TIPARP: variants seen among roughly 807,000 people sequenced by gnomAD.
The protein encoded by TIPARP is TCDD inducible poly(ADP-ribose) polymerase.
TIPARP carries 12 observed loss-of-function variants against 56.5 expected under a neutral mutation model. That is an observed-to-expected ratio of 0.21 (90% CI 0.14 to 0.34). The LOEUF is 0.34. Among genes scored for constraint, TIPARP ranks in the 10% least tolerant of loss-of-function variants. The pLI is 1.00. For missense variants in TIPARP, 604 were observed against 781.6 expected (o/e 0.77, Z 2.71); for synonymous variants, 296 against 265.7 (o/e 1.11, Z -1.11).
Position 156,677,535 on chromosome 3 carries a change from ATATAG to A in TIPARP, c.-41-117_-41-113del, listed in dbSNP as rs1392223052. On this transcript the variant is annotated intron_variant, in intron 1 of 5. Coordinates refer to ENST00000295924, the MANE Select transcript of TIPARP (RefSeq NM_015508.5). ...TTTAAAATTGACTTGTAAAAACTAA[ATATAG>A]TATAAGAGGAATGGTTTCAGGGAAT... The A allele has an allele frequency of 1.3e-4, 86 of 645,364 alleles. 1 individual carries two copies. Among genetic ancestry groups the A allele is most frequent in the Admixed American group, 8.4e-4 (23 of 27,406 alleles). The allele number at this position is 645,364 out of a possible 1,614,324, so 40.0% of individuals were successfully genotyped here. A position where few individuals can be genotyped will look rare whatever the true frequency, so the allele number is the denominator to read the frequency against.
In TIPARP at chr3:156,694,161, C is replaced by T. The variant is rs1722652156; in HGVS notation, c.1059C>T (p.Asp353=). 1 of 1,609,136 alleles carries T rather than the reference C, an allele frequency of 6.2e-7. No individual in the cohort carries two copies. Among genetic ancestry groups the T allele is most frequent in the Non-Finnish European group, 8.5e-7 (1 of 1,178,302 alleles). ...CAGTCTGGAAATTCTTCTGTAGGGA[C>T]CACTTTGGATGGAGAGAGTATCCCG... ...YHTVWKFFCR[D]HFGWREYPES... Residue 353 remains aspartate (D), a synonymous_variant, in exon 3 of 6, where the codon GAC becomes GAT. Coordinates refer to ENST00000295924, the MANE Select transcript of TIPARP (RefSeq NM_015508.5).
intron 2 of TIPARP, among the ~76,000 whole-genome samples, chr3:156,682,312 A>AT (rs1722328607): frequency 6.6e-6 from 1 of 152,144 alleles, no homozygotes; most frequent in Non-Finnish European, 1.5e-5. Flanking sequence ...TCCATTATTA[A>AT]TTTTTTTCAG....
chr3:156,686,051 G>A (rs1231966739), intron 2 of TIPARP, among the ~76,000 whole-genome samples: 1 of 152,172 alleles, frequency 6.6e-6, no homozygotes, highest in African/African-American at 2.4e-5. Flanking sequence ...CACTGGGTTT[G>A]CCTTCTAAGG....
rs1175146887 is a variant in TIPARP, at chr3:156,706,379, A to G, written c.*1248A>G. ...TTTCAGTTACCAAGCTCTCCTGGTA[A>G]TGTTTGTGGTTATATCATTTACACA... On this transcript the variant is annotated 3_prime_UTR_variant, in exon 6 of 6. Transcript: ENST00000295924. 6.6e-6 allele frequency: 1 copy of G among 152,652 alleles called. No individual in the cohort carries two copies. Among genetic ancestry groups the G allele is most frequent in the Non-Finnish European group, 1.5e-5 (1 of 68,028 alleles). 9.5% of individuals were successfully genotyped at this position (152,652 alleles called of 1,614,324 possible). A position where few individuals can be genotyped will look rare whatever the true frequency, so the allele number is the denominator to read the frequency against.
chr3:156,702,019 C>CGGTGGT (rs67188281), intron 4 of TIPARP, among the ~76,000 whole-genome samples: 293 of 98,648 alleles, frequency 3.0e-3, no homozygotes, highest in African/African-American at 9.0e-3. Flanking sequence ...GATGATAATG[C>CGGTGGT]GGTGGTGGTG....
At chr3:156,681,106 A>T (rs62276620) in intron 2 of TIPARP, 15,392 of 456,096 alleles carry the variant, frequency 0.034, 348 homozygotes, top group Non-Finnish European at 0.049. Flanking sequence ...TTCCAAAGCG[A>T]TGTTGTGTTT....
intron 2 of TIPARP, 90 bp from the exon 3 acceptor site, chr3:156,693,930 T>C (rs1006416380): frequency 2.5e-5 from 34 of 1,385,924 alleles, no homozygotes; most frequent in Non-Finnish European, 2.8e-5. Context: ...ATGCTATGTA[T>C]TTTTAATGTC....
At position 156,677,314 on chromosome 3, in the gene TIPARP, A is replaced by G. The variant is rs571014457; in HGVS notation, c.-41-343A>G. Among the ~76,000 whole-genome samples, 4 of 152,344 alleles carry G rather than the reference A, an allele frequency of 2.6e-5. No individual in the cohort carries two copies. In the South Asian group the frequency reaches 8.3e-4, roughly 32 times the overall value. On this transcript the variant is annotated intron_variant, in intron 1 of 5. Transcript: ENST00000295924. Reference sequence around the variant, plus strand: ...GTTTCCCTGCTGTCATCATCTAGATACAGTTATTTCTACCTCCCATTTCCC... The same window carrying G: ...GTTTCCCTGCTGTCATCATCTAGATGCAGTTATTTCTACCTCCCATTTCCC...
At chr3:156,703,343 G>T (rs1722898394) in intron 4 of TIPARP, 81 bp from the exon 5 acceptor site, 10 of 1,369,258 alleles carry the variant, frequency 7.3e-6, no homozygotes, top group Middle Eastern at 2.4e-4. Flanking sequence ...ATATTAAGTA[G>T]ACACTGATAT....
chr3:156,675,178 C>CG (rs5853762), intron 1 of TIPARP: 144,466 of 152,100 alleles, frequency 0.95, 68,652 homozygotes, highest in Middle Eastern at 0.99. Context: ...TCCCAGACCC[C>CG]GGGGGGGAGG....
chr3:156,677,938 G>C lies in TIPARP; in HGVS notation c.241G>C (p.Asp81His). ...GVFRSRNQST[D>H]ENSLHEPMMK... Reference sequence around the variant, plus strand: ...TTTTAGATCTAGGAACCAGAGTACAGATGAGAACAGCTTACATGAACCTAT... The same window carrying C: ...TTTTAGATCTAGGAACCAGAGTACACATGAGAACAGCTTACATGAACCTAT... The change falls in exon 2 of 6, where the codon GAT (aspartate) becomes CAT (histidine). Residue 81 changes from aspartate to histidine, a missense_variant. Asp to His is a moderately conservative substitution (Grantham distance 81). Around this residue, in one of 4 missense-constraint regions of TIPARP, gnomAD observed 261 missense variants for 279.2 expected, o/e 0.93. Coordinates refer to ENST00000295924, the MANE Select transcript of TIPARP (RefSeq NM_015508.5). 1 of 1,614,182 alleles carries C rather than the reference G, an allele frequency of 6.2e-7. No homozygotes were observed.
intron 5 of TIPARP, 131 bp from the exon 6 acceptor site, chr3:156,704,552 AG>A (rs1188972778): frequency 1.2e-6 from 1 of 866,326 alleles, no homozygotes; most frequent in Non-Finnish European, 1.8e-6. Context: ...AACTTTTAAT[AG>A]GATCTTTGAT....
rs777873821 is a variant in TIPARP at position 156,678,656 on chromosome 3, A to G, written c.917+42A>G. 7 of 1,538,722 alleles carry G rather than the reference A, an allele frequency of 4.5e-6. No individual in the cohort carries two copies. The South Asian group carries it at 6.3e-5, about 14-fold the overall frequency. On this transcript the variant is annotated intron_variant, in intron 2 of 5. Coordinates refer to ENST00000295924, the MANE Select transcript of TIPARP (RefSeq NM_015508.5). ...ACTTGTAGAACTGTTGTTAAATGCT[A>G]TAGAGAAGGTAAAGAAGCTAAAAGC...
chr3:156,680,083 T>C (rs1187559998), intron 2 of TIPARP, among the ~76,000 whole-genome samples: 2 of 152,182 alleles, frequency 1.3e-5, no homozygotes, highest in Non-Finnish European at 2.9e-5. Context: ...CTTTGCATCT[T>C]GTGTTTCAAA....
chr3:156,684,135 A>G (rs554418806), intron 2 of TIPARP, among the ~76,000 whole-genome samples: 2 of 152,346 alleles, frequency 1.3e-5, no homozygotes, highest in East Asian at 1.9e-4. Flanking sequence ...CACAACTTGT[A>G]TGGCTAGTTC....
intron 4 of TIPARP, among the ~76,000 whole-genome samples, chr3:156,700,644 T>C (rs1237788461): frequency 6.6e-6 from 1 of 152,216 alleles, no homozygotes; most frequent in African/African-American, 2.4e-5. Flanking sequence ...GGTTTGGTGG[T>C]TCAGTGCTTT....
intron 3 of TIPARP, 23 bp from the exon 4 acceptor site, chr3:156,695,842 T>TTTTGTTTTGTTTTC: frequency 1.4e-6 from 2 of 1,396,938 alleles, no homozygotes; most frequent in Non-Finnish European, 1.9e-6. Flanking sequence ...TTTTTTTTTT[T>TTTTGTTTTGTTTTC]TGTTCTGTTT....
rs34067563 is a variant in TIPARP, at chr3:156,706,696, AAAAG to A, written c.*1570_*1573del. 6,028 of 152,766 alleles carry A rather than the reference AAAAG, an allele frequency of 0.039. 132 individuals are homozygous for A. The highest frequency in any genetic ancestry group is 0.11 in the South Asian group (543 of 4,830). 9.5% of individuals were successfully genotyped at this position (152,766 alleles called of 1,614,324 possible). A position where few individuals can be genotyped will look rare whatever the true frequency, so the allele number is the denominator to read the frequency against. ...TTGTTCCTTTTTTTCTCCCTAAGGA[AAAAG>A]AAAGCTTTATGACATATTTATTTTT... On this transcript the variant is annotated 3_prime_UTR_variant, in exon 6 of 6. Coordinates refer to ENST00000295924, the MANE Select transcript of TIPARP (RefSeq NM_015508.5).
At chr3:156,697,979 G>A (rs1722759045) in intron 4 of TIPARP, among the ~76,000 whole-genome samples, 2 of 152,260 alleles carry the variant, frequency 1.3e-5, no homozygotes, top group South Asian at 4.1e-4. Context: ...GAAATTAAAA[G>A]TGCTACTCTG....
Sources: gnomAD v4.1 joint callset for allele counts (sites outside exome capture counted in the v4.1 genomes callset) on GRCh38, gnomAD v4.1.1 for gene constraint, gnomAD v4.1.1 regional missense constraint, MANE v1.5 for transcripts, NCBI Gene and HGNC (gene_info 2026-07-23, HGNC 2026-07-21) for gene names.